CNTNAP5: variants seen among roughly 807,000 people sequenced by gnomAD.
CNTNAP5 encodes the protein contactin associated protein family member 5.
In CNTNAP5, 72 loss-of-function variants were observed where a neutral mutation model predicts 150.2. The observed-to-expected ratio is 0.48, with a 90% CI of 0.40 to 0.58. The LOEUF is 0.58. CNTNAP5 is among the 20% of genes least tolerant of loss of function. The probability of loss-of-function intolerance (pLI) is 0.00; values close to 1 mark genes in which losing one functional copy is unlikely to be tolerated. For missense variants in CNTNAP5, 1,636 were observed against 1,626.2 expected (o/e 1.01, Z -0.10); for synonymous variants, 672 against 619.8 (o/e 1.08, Z -1.25).
At chr2:124,808,196 C>A (rs1424482172) in intron 19 of CNTNAP5, among the ~76,000 whole-genome samples, 2 of 152,080 alleles carry the variant, frequency 1.3e-5, no homozygotes, top group Non-Finnish European at 2.9e-5. Context: ...TAGGGCTCCC[C>A]AGGATTTTTT....
intron 1 of CNTNAP5, among the ~76,000 whole-genome samples, chr2:124,181,840 G>C (rs145585454): frequency 4.7e-4 from 71 of 152,272 alleles, no homozygotes; most frequent in South Asian, 4.1e-4. Flanking sequence ...GTACAATGAT[G>C]ATGATGGTAT....
intron 19 of CNTNAP5, among the ~76,000 whole-genome samples, chr2:124,851,332 G>C (rs919069509): frequency 6.6e-6 from 1 of 152,104 alleles, no homozygotes; most frequent in Non-Finnish European, 1.5e-5. Context: ...CTCCAGCCTG[G>C]GCAACAAAAG....
intron 13 of CNTNAP5, among the ~76,000 whole-genome samples, chr2:124,661,548 C>T (rs1678591276): frequency 7.5e-6 from 1 of 132,964 alleles, no homozygotes; most frequent in African/African-American, 2.8e-5. Flanking sequence ...CCCGAAGGGC[C>T]TGCCTGAGGC....
chr2:124,553,334 T>C (rs1306066591), intron 10 of CNTNAP5, among the ~76,000 whole-genome samples: 2 of 151,916 alleles, frequency 1.3e-5, no homozygotes, highest in African/African-American at 2.4e-5. Flanking sequence ...CAAAACACAG[T>C]CTCTACTAAA....
intron 21 of CNTNAP5, among the ~76,000 whole-genome samples, chr2:124,898,643 A>G (rs1163003785): frequency 6.6e-6 from 1 of 151,618 alleles, no homozygotes; most frequent in Non-Finnish European, 1.5e-5. Context: ...AAGTCATTCA[A>G]AATTTGAGTG....
At position 124,707,032 on chromosome 2, in the gene CNTNAP5, G is replaced by C. The variant is rs1283413958; in HGVS notation, c.2078-40197G>C. ...AGGAGGAGGAGGAGAAGAAGAAGAAGAAGAAGAAGGAGGAGGAGGAGGAGG... is the reference window on the plus strand; with the variant it reads ...AGGAGGAGGAGGAGAAGAAGAAGAACAAGAAGAAGGAGGAGGAGGAGGAGG... On this transcript the variant is annotated intron_variant, in intron 13 of 23. Coordinates refer to ENST00000682447, the MANE Select transcript of CNTNAP5 (RefSeq NM_001367498.1). Among the ~76,000 whole-genome samples, 2 of 134,646 alleles carry C rather than the reference G, an allele frequency of 1.5e-5. 1 individual carries two copies. Among genetic ancestry groups the C allele is most frequent in the Non-Finnish European group, 3.2e-5 (2 of 62,182 alleles). 88.3% of individuals were successfully genotyped at this position (134,646 alleles called of 152,430 possible).
chr2:124,807,815 C>G (rs72847371), intron 19 of CNTNAP5, among the ~76,000 whole-genome samples: 4 of 152,068 alleles, frequency 2.6e-5, no homozygotes, highest in African/African-American at 9.7e-5. Flanking sequence ...CCCACCACCA[C>G]GTCTTGCTTG....
intron 3 of CNTNAP5, among the ~76,000 whole-genome samples, chr2:124,333,943 G>T (rs190520959): frequency 6.6e-6 from 1 of 152,218 alleles, no homozygotes. Flanking sequence ...TGGTCTTGCT[G>T]GTGACTCATG....
chr2:124,775,967 A>G (rs1371382321), intron 17 of CNTNAP5, among the ~76,000 whole-genome samples: 1 of 152,178 alleles, frequency 6.6e-6, no homozygotes, highest in African/African-American at 2.4e-5. Context: ...CCAACAAGCC[A>G]TAGGCCCTGG....
At chr2:124,358,186 G>C (rs987843214) in intron 3 of CNTNAP5, among the ~76,000 whole-genome samples, 3 of 152,172 alleles carry the variant, frequency 2.0e-5, no homozygotes, top group African/African-American at 7.2e-5. Flanking sequence ...TTACTTATCA[G>C]CTTAAGGAGA....
intron 3 of CNTNAP5, among the ~76,000 whole-genome samples, chr2:124,389,674 A>T (rs1043360929): frequency 1.3e-5 from 2 of 152,194 alleles, no homozygotes; most frequent in Non-Finnish European, 2.9e-5. Flanking sequence ...AAAAATAATA[A>T]TAATAATTTA....
chr2:124,510,301 C>CTATATCTATATATCTATATATATA (rs1553474656), intron 8 of CNTNAP5, among the ~76,000 whole-genome samples: 2 of 106,056 alleles, frequency 1.9e-5, no homozygotes, highest in African/African-American at 7.6e-5. Context: ...ATCTATATAT[C>CTATATCTATATATCTATATATATA]TATATATATA....
intron 17 of CNTNAP5, among the ~76,000 whole-genome samples, chr2:124,784,652 G>A (rs1034726766): frequency 2.0e-5 from 3 of 152,154 alleles, no homozygotes; most frequent in Non-Finnish European, 4.4e-5. Context: ...ACATGTAAGA[G>A]GTAAGAGGAA....
At chr2:124,111,424 A>G (rs888981079) in intron 1 of CNTNAP5, among the ~76,000 whole-genome samples, 1 of 152,190 alleles carries the variant, frequency 6.6e-6, no homozygotes, top group Non-Finnish European at 1.5e-5. Context: ...GTAGCTTGGC[A>G]TGACTGATTC....
At chr2:124,100,154 A>G (rs1174886292) in intron 1 of CNTNAP5, among the ~76,000 whole-genome samples, 2 of 152,186 alleles carry the variant, frequency 1.3e-5, no homozygotes, top group African/African-American at 4.8e-5. Context: ...AGGAGCAGGC[A>G]CTTCACATGG....
At chr2:124,485,586 C>T (rs1315564273) in intron 7 of CNTNAP5, among the ~76,000 whole-genome samples, 4 of 133,368 alleles carry the variant, frequency 3.0e-5, no homozygotes, top group African/African-American at 1.2e-4. Context: ...GCACTCCAGC[C>T]TGGGCGACAC....
At chr2:124,595,885 G>T (rs34941885) in intron 11 of CNTNAP5, among the ~76,000 whole-genome samples, 51,239 of 124,940 alleles carry the variant, frequency 0.41, 10,868 homozygotes, top group East Asian at 0.78. Flanking sequence ...ATGTGTCCAG[G>T]AATTTATCCA....
chr2:124,588,131 TTTCCTTCC>T (rs142353820), intron 11 of CNTNAP5, among the ~76,000 whole-genome samples: 17 of 40,084 alleles, frequency 4.2e-4, no homozygotes, highest in African/African-American at 1.7e-3. Flanking sequence ...CTTCCTTCCT[TTTCCTTCC>T]TTCCTTCCTT....
At chr2:124,119,291 A>AT (rs1026406485) in intron 1 of CNTNAP5, among the ~76,000 whole-genome samples, 155 of 140,506 alleles carry the variant, frequency 1.1e-3, no homozygotes, top group African/African-American at 3.8e-3. Flanking sequence ...TTATTGTTCT[A>AT]TTTTTTTAAT....
Sources: allele counts gnomAD v4.1 joint callset (sites outside exome capture counted in the v4.1 genomes callset), GRCh38; gene constraint gnomAD v4.1.1; transcripts MANE v1.5; gene names NCBI Gene and HGNC (gene_info 2026-07-23, HGNC 2026-07-21).